SLC24A3: variants seen among roughly 807,000 people sequenced by gnomAD.
SLC24A3 encodes sodium/potassium/calcium exchanger 3.
In SLC24A3, 28 loss-of-function variants were observed where a neutral mutation model predicts 75.8. The observed-to-expected ratio is 0.37, with a 90% CI of 0.27 to 0.51. The LOEUF (loss-of-function observed/expected upper bound fraction) is 0.51. Among genes scored for constraint, SLC24A3 ranks in the 20% least tolerant of loss-of-function variants. The pLI is 0.94. For synonymous variants in SLC24A3, 372 were observed against 334.1 expected (o/e 1.11, Z -1.24); for missense variants, 663 against 847.8 (o/e 0.78, Z 2.71).
At chr20:19,573,179 G>T (rs1208497284) in intron 3 of SLC24A3, among the ~76,000 whole-genome samples, 1 of 152,136 alleles carries the variant, frequency 6.6e-6, no homozygotes, top group African/African-American at 2.4e-5. Flanking sequence ...AAAACAGCAG[G>T]GTTAACGTCC....
chr20:19,676,764 C>T (rs2032528889), intron 9 of SLC24A3, among the ~76,000 whole-genome samples: 1 of 152,138 alleles, frequency 6.6e-6, no homozygotes, highest in African/African-American at 2.4e-5. Context: ...TAAAGCATGC[C>T]TGGCCTTGGC....
At position 19,560,045 on chromosome 20, in the gene SLC24A3, G is replaced by A. The variant is rs73900447; in HGVS notation, c.349-19955G>A. On this transcript the variant is annotated intron_variant, in intron 3 of 16. Coordinates refer to ENST00000328041, the MANE Select transcript of SLC24A3 (RefSeq NM_020689.4). ...CAACAGTCCTGAATTTTTAATAATT[G>A]TCTCTCATGACAGTTCATGAGATAC... is the stretch of plus-strand genomic sequence containing the variant. Among the ~76,000 whole-genome samples, 509 of 152,176 alleles carry A rather than the reference G, an allele frequency of 3.3e-3. 4 individuals are homozygous for A. The highest frequency in any genetic ancestry group is 0.012 in the African/African-American group (499 of 41,516).
At chr20:19,709,200 C>T (rs1440619134) in intron 15 of SLC24A3, among the ~76,000 whole-genome samples, 2 of 152,142 alleles carry the variant, frequency 1.3e-5, no homozygotes, top group Admixed American at 6.5e-5. Flanking sequence ...TTCACCCACT[C>T]CTCAGAGTCA....
intron 2 of SLC24A3, among the ~76,000 whole-genome samples, chr20:19,391,670 A>G (rs1430215939): frequency 6.6e-6 from 1 of 152,116 alleles, no homozygotes; most frequent in Non-Finnish European, 1.5e-5. Context: ...GGCCCAGAAC[A>G]CTGCATTTTT....
intron 12 of SLC24A3, 194 bp from the exon 13 acceptor site, chr20:19,693,064 TA>T: frequency 1.8e-6 from 1 of 557,950 alleles, no homozygotes; most frequent in African/African-American, 1.9e-5. Context: ...ATTTTTTTTT[TA>T]ATTCTGTTTG....
intron 2 of SLC24A3, among the ~76,000 whole-genome samples, chr20:19,349,834 A>G (rs539625003): frequency 3.3e-5 from 5 of 151,152 alleles, no homozygotes; most frequent in South Asian, 4.2e-4. Flanking sequence ...TTCCTTTCCA[A>G]CTCTCTGGCT....
intron 16 of SLC24A3, among the ~76,000 whole-genome samples, 154 bp downstream of exon 16, chr20:19,717,747 G>A (rs2033058801): frequency 6.6e-6 from 1 of 152,138 alleles, no homozygotes; most frequent in Admixed American, 6.5e-5. Flanking sequence ...GTGAGTCCTA[G>A]CAACCCACTA....
chr20:19,448,562 T>C (rs1600233596), intron 2 of SLC24A3, among the ~76,000 whole-genome samples: 1 of 152,238 alleles, frequency 6.6e-6, no homozygotes, highest in East Asian at 1.9e-4. Flanking sequence ...CCAGAAGTAG[T>C]CTTGAGTGGT....
At chr20:19,678,536 G>A (rs1353353674) in intron 9 of SLC24A3, among the ~76,000 whole-genome samples, 1 of 142,746 alleles carries the variant, frequency 7.0e-6, no homozygotes, top group African/African-American at 2.6e-5. Context: ...CTCCCTCCCG[G>A]ACGGGGCGGC....
chr20:19,428,053 G>C (rs373038086), intron 2 of SLC24A3, among the ~76,000 whole-genome samples: 2 of 152,194 alleles, frequency 1.3e-5, no homozygotes, highest in Non-Finnish European at 2.9e-5. Context: ...GAAGTCCAAC[G>C]TTTGGTTTGG....
chr20:19,315,994 T>A (rs1984576036), intron 2 of SLC24A3, among the ~76,000 whole-genome samples: 1 of 152,186 alleles, frequency 6.6e-6, no homozygotes, highest in South Asian at 2.1e-4. Context: ...TATTACAAAG[T>A]GTTGAACGTC....
intron 4 of SLC24A3, among the ~76,000 whole-genome samples, chr20:19,582,203 GGGTCCACCAGCAGT>G (rs1177654628): frequency 6.6e-6 from 1 of 152,232 alleles, no homozygotes; most frequent in Non-Finnish European, 1.5e-5. Context: ...ATCATGACGT[GGGTCCACCAGCAGT>G]GGCCTGGAGG....
intron 2 of SLC24A3, among the ~76,000 whole-genome samples, chr20:19,305,684 G>A (rs1433873942): frequency 6.6e-6 from 1 of 152,124 alleles, no homozygotes; most frequent in Non-Finnish European, 1.5e-5. Context: ...ACGGTGCTGG[G>A]ATAAGTGGCC....
intron 6 of SLC24A3, among the ~76,000 whole-genome samples, chr20:19,596,389 G>A (rs2031453791): frequency 6.6e-6 from 1 of 152,190 alleles, no homozygotes; most frequent in Admixed American, 6.5e-5. Flanking sequence ...TTTGCCCTGA[G>A]CAGTATAAAT....
chr20:19,628,701 ACCAC>A (rs1035887315), intron 6 of SLC24A3, among the ~76,000 whole-genome samples: 4 of 152,046 alleles, frequency 2.6e-5, no homozygotes, highest in Non-Finnish European at 5.9e-5. Context: ...TGCTTGCTAC[ACCAC>A]TACCAGAGAA....
intron 3 of SLC24A3, among the ~76,000 whole-genome samples, chr20:19,535,659 G>A (rs1264323294): frequency 6.6e-6 from 1 of 152,148 alleles, no homozygotes; most frequent in Non-Finnish European, 1.5e-5. Flanking sequence ...TCTTAGGGGA[G>A]GTGATTTGCT....
At chr20:19,666,347 A>C (rs1249502518) in intron 8 of SLC24A3, among the ~76,000 whole-genome samples, 2 of 152,080 alleles carry the variant, frequency 1.3e-5, no homozygotes, top group Middle Eastern at 3.4e-3. Context: ...TCTACTAAAA[A>C]TACAAAAAAT....
chr20:19,345,571 G>T (rs1303177483), intron 2 of SLC24A3, among the ~76,000 whole-genome samples: 1 of 151,998 alleles, frequency 6.6e-6, no homozygotes, highest in Admixed American at 6.6e-5. Flanking sequence ...AATCTACAAA[G>T]AACTCCAACA....
chr20:19,384,376 G>A lies in SLC24A3; in HGVS notation c.271+103289G>A, dbSNP rs189031106. ...CCTGGTAACCACCATTCTACTTGCT[G>A]CTTCCAGGAGCTTGACTTTTTTAGA... On this transcript the variant is annotated intron_variant, in intron 2 of 16. Transcript: ENST00000328041. Among the ~76,000 whole-genome samples, 32 of 152,260 alleles carry A rather than the reference G, an allele frequency of 2.1e-4. No homozygotes were observed. The East Asian group carries it at 6.2e-3, about 29-fold the overall frequency.
Sources: allele counts gnomAD v4.1 joint callset (sites outside exome capture counted in the v4.1 genomes callset), GRCh38; gene constraint gnomAD v4.1.1; transcripts MANE v1.5; gene names NCBI Gene and HGNC (gene_info 2026-07-23, HGNC 2026-07-21).